The following RNF13 variants were observed in gnomAD, a reference collection of about 807,000 sequenced individuals.
RNF13 encodes E3 ubiquitin-protein ligase RNF13.
A neutral mutation model predicts 37.7 loss-of-function variants in RNF13; 19 were observed. That is an observed-to-expected ratio of 0.50 (90% CI 0.35 to 0.74). RNF13 has a LOEUF of 0.74. RNF13 is among the 30% of genes least tolerant of loss of function. The pLI is 0.01. For missense variants in RNF13, 375 were observed against 453.0 expected, an observed-to-expected ratio of 0.83 and a Z score of 1.56; for synonymous variants, 144 against 157.8, an observed-to-expected ratio of 0.91 and a Z score of 0.65.
intron 3 of RNF13, among the ~76,000 whole-genome samples, chr3:149,862,883 T>G (rs886558275): frequency 2.0e-5 from 3 of 152,214 alleles, no homozygotes; most frequent in Non-Finnish European, 4.4e-5. Context: ...TTGATGAGTT[T>G]AGTAATATCT....
At chr3:149,943,211 G>A (rs1031097345) in intron 8 of RNF13, among the ~76,000 whole-genome samples, 13 of 149,622 alleles carry the variant, frequency 8.7e-5, no homozygotes, top group African/African-American at 3.2e-4. Context: ...GTTTGGAAGT[G>A]TTGCAGTTCT....
intron 6 of RNF13, among the ~76,000 whole-genome samples, chr3:149,906,723 C>T (rs1219501589): frequency 6.9e-6 from 1 of 144,890 alleles, no homozygotes; most frequent in Non-Finnish European, 1.5e-5. Flanking sequence ...GTGGTGCCAG[C>T]TCACTGCAGC....
At chr3:149,946,455 T>C (rs1312832380) in intron 8 of RNF13, among the ~76,000 whole-genome samples, 1 of 152,220 alleles carries the variant, frequency 6.6e-6, no homozygotes, top group African/African-American at 2.4e-5. Context: ...TCCTGGCCTT[T>C]TTTGTTGGGA....
At chr3:149,943,793 A>C (rs1444654280) in intron 8 of RNF13, among the ~76,000 whole-genome samples, 2 of 150,140 alleles carry the variant, frequency 1.3e-5, no homozygotes, top group African/African-American at 4.9e-5. Flanking sequence ...TCAGGCTAGC[A>C]TACTGTGTTC....
At chr3:149,843,294 G>T (rs554766460) in intron 1 of RNF13, among the ~76,000 whole-genome samples, 1 of 152,102 alleles carries the variant, frequency 6.6e-6, no homozygotes, top group Non-Finnish European at 1.5e-5. Flanking sequence ...TCTGGTATCC[G>T]CAGGGAGTCC....
chr3:149,939,854 G>T (rs1238788188), intron 8 of RNF13: 3 of 483,528 alleles, frequency 6.2e-6, no homozygotes, highest in African/African-American at 3.9e-5. Flanking sequence ...AACGACTGCT[G>T]CTCCAGAGAA....
intron 1 of RNF13, among the ~76,000 whole-genome samples, chr3:149,823,863 A>G (rs570189891): frequency 6.6e-6 from 1 of 152,306 alleles, no homozygotes; most frequent in East Asian, 1.9e-4. Context: ...AAAGTTGTAA[A>G]AACAATACAA....
intron 1 of RNF13, among the ~76,000 whole-genome samples, chr3:149,840,476 T>A (rs910370354): frequency 1.1e-4 from 17 of 152,338 alleles, no homozygotes; most frequent in African/African-American, 4.1e-4. Flanking sequence ...AGATGTTTGT[T>A]ATCAGCAAGA....
At chr3:149,875,148 ATTC>A (rs1213466834) in intron 4 of RNF13, among the ~76,000 whole-genome samples, 5 of 152,148 alleles carry the variant, frequency 3.3e-5, no homozygotes, top group Non-Finnish European at 5.9e-5. Flanking sequence ...GGAAAACTTA[ATTC>A]AACTCCATAC....
Position 149,865,343 on chromosome 3 carries a change from T to TATA in RNF13, c.196-6685_196-6683dup, listed in dbSNP as rs1553757202. 6.8e-5 allele frequency among the ~76,000 whole-genome samples: 10 copies of TATA among 147,098 alleles called. No homozygotes were observed. The South Asian group carries it at 1.7e-3, about 25-fold the overall frequency. On this transcript the variant is annotated intron_variant, in intron 3 of 9. Coordinates refer to ENST00000392894, the MANE Select transcript of RNF13 (RefSeq NM_183381.3). ...GATGTTTTGGTGATATATATATATATATATATATGTATAAAACAGACATTA... is the reference window on the plus strand; with the variant it reads ...GATGTTTTGGTGATATATATATATATATAATATATATGTATAAAACAGACATTA...
chr3:149,880,062 CAG>C (rs1228590853), intron 4 of RNF13, among the ~76,000 whole-genome samples: 1 of 152,200 alleles, frequency 6.6e-6, no homozygotes, highest in East Asian at 1.9e-4. Context: ...GGAGTATACT[CAG>C]AGATCTGTCG....
intron 1 of RNF13, among the ~76,000 whole-genome samples, chr3:149,845,406 A>G (rs1722548029): frequency 6.6e-6 from 1 of 152,188 alleles, no homozygotes; most frequent in African/African-American, 2.4e-5. Flanking sequence ...CTCATAGTGA[A>G]CAGGATGAAG....
intron 4 of RNF13, among the ~76,000 whole-genome samples, chr3:149,882,114 T>C (rs1352343492): frequency 6.6e-6 from 1 of 152,074 alleles, no homozygotes; most frequent in Non-Finnish European, 1.5e-5. Context: ...CATATGACAC[T>C]TAACATTAAG....
chr3:149,862,372 G>A (rs1724347878), intron 3 of RNF13, among the ~76,000 whole-genome samples: 1 of 151,972 alleles, frequency 6.6e-6, no homozygotes, highest in South Asian at 2.1e-4. Context: ...AGATACTACT[G>A]AAACATCCTT....
At chr3:149,848,309 G>A (rs1201127416) in intron 2 of RNF13, among the ~76,000 whole-genome samples, 1 of 152,198 alleles carries the variant, frequency 6.6e-6, no homozygotes, top group Admixed American at 6.5e-5. Context: ...TGTAGTGAAG[G>A]AACTGTAAGA....
In RNF13 at chr3:149,846,421, C is replaced by T. The variant is rs1241827557; in HGVS notation, c.114+281C>T. Among the ~76,000 whole-genome samples, 4 of 152,020 alleles carry T rather than the reference C, an allele frequency of 2.6e-5. No homozygotes were observed. The East Asian group carries it at 7.7e-4, about 29-fold the overall frequency. ...GGGTTCAAGCAGTTCTCCTGACTCA[C>T]CCTCCTGAGTAGCTGGAATTACAGG... is the stretch of plus-strand genomic sequence containing the variant. On this transcript the variant is annotated intron_variant, in intron 2 of 9. Coordinates refer to ENST00000392894, the MANE Select transcript of RNF13 (RefSeq NM_183381.3).
chr3:149,817,882 GGAA>G (rs1553748037), intron 1 of RNF13, among the ~76,000 whole-genome samples: 10 of 151,988 alleles, frequency 6.6e-5, no homozygotes, highest in Non-Finnish European at 5.9e-5. Context: ...AAGAAAAAAA[GGAA>G]AACATCTGGA....
At chr3:149,947,457 C>T (rs961581567) in intron 8 of RNF13, among the ~76,000 whole-genome samples, 5 of 150,914 alleles carry the variant, frequency 3.3e-5, no homozygotes, top group South Asian at 2.1e-4. Flanking sequence ...CAAGCTTGAG[C>T]GAAGTGGTGC....
At chr3:149,848,359 G>T (rs550559023) in intron 2 of RNF13, among the ~76,000 whole-genome samples, 3 of 152,298 alleles carry the variant, frequency 2.0e-5, no homozygotes, top group Admixed American at 2.0e-4. Flanking sequence ...TGTCCATAAG[G>T]ATAGAAGGCT....
Sources: allele counts gnomAD v4.1 joint callset (sites outside exome capture counted in the v4.1 genomes callset), GRCh38; gene constraint gnomAD v4.1.1; transcripts MANE v1.5; gene names NCBI Gene and HGNC (gene_info 2026-07-23, HGNC 2026-07-21).